TMEM135: variants seen among roughly 807,000 people sequenced by gnomAD.
TMEM135 encodes transmembrane protein 135, also known as peroxisomal membrane protein 52.
TMEM135 carries 30 observed loss-of-function variants against 60.3 expected under a neutral mutation model. The ratio of observed to expected loss-of-function variants is 0.50; its 90% CI spans 0.37 to 0.68. The LOEUF is 0.68. TMEM135 is among the 30% of genes least tolerant of loss of function. The probability of loss-of-function intolerance (pLI) is 0.00; values close to 1 mark genes in which losing one functional copy is unlikely to be tolerated. For missense variants in TMEM135, 468 were observed against 548.8 expected (o/e 0.85, Z 1.47); for synonymous variants, 190 against 186.7 (o/e 1.02, Z -0.14).
At chr11:87,251,141 G>A (rs531289194) in intron 6 of TMEM135, among the ~76,000 whole-genome samples, 2 of 152,264 alleles carry the variant, frequency 1.3e-5, no homozygotes, top group South Asian at 4.1e-4. Context: ...GAAATAATGG[G>A]TAACAGTTGG....
intron 5 of TMEM135, among the ~76,000 whole-genome samples, chr11:87,203,722 C>T (rs1022714047): frequency 7.2e-5 from 11 of 152,198 alleles, no homozygotes; most frequent in African/African-American, 1.9e-4. Flanking sequence ...GTATAAGTAC[C>T]GAGGAGCACA....
chr11:87,093,843 T>C (rs1857263995), intron 4 of TMEM135, among the ~76,000 whole-genome samples: 1 of 152,152 alleles, frequency 6.6e-6, no homozygotes, highest in African/African-American at 2.4e-5. Flanking sequence ...ATTTACTTGT[T>C]TTTAATGCTG....
intron 4 of TMEM135, among the ~76,000 whole-genome samples, chr11:87,102,204 G>T (rs1857473372): frequency 6.6e-6 from 1 of 152,178 alleles, no homozygotes; most frequent in Admixed American, 6.5e-5. Flanking sequence ...GATGCCAATA[G>T]AAAGTAATAG....
chr11:87,057,083 T>G (rs1949900984), intron 1 of TMEM135, among the ~76,000 whole-genome samples: 1 of 152,144 alleles, frequency 6.6e-6, no homozygotes, highest in South Asian at 2.1e-4. Context: ...ATTACAAAAA[T>G]ATTGGTATTA....
intron 6 of TMEM135, among the ~76,000 whole-genome samples, chr11:87,265,129 T>C (rs376162629): frequency 6.6e-6 from 1 of 152,074 alleles, no homozygotes; most frequent in Admixed American, 6.5e-5. Flanking sequence ...ATCAGCTCTT[T>C]TGGAAGGAAG....
At chr11:87,172,529 A>C (rs936036324) in intron 5 of TMEM135, among the ~76,000 whole-genome samples, 1 of 151,980 alleles carries the variant, frequency 6.6e-6, no homozygotes, top group Non-Finnish European at 1.5e-5. Flanking sequence ...CATGGTGTAC[A>C]TAAGTAATAT....
chr11:87,225,269 T>C (rs1248446716), intron 5 of TMEM135, among the ~76,000 whole-genome samples: 3 of 152,162 alleles, frequency 2.0e-5, no homozygotes, highest in Non-Finnish European at 4.4e-5. Flanking sequence ...TAACTATCTA[T>C]GTCTCTCTAA....
intron 5 of TMEM135, among the ~76,000 whole-genome samples, chr11:87,179,691 G>A (rs1278677376): frequency 1.3e-5 from 2 of 152,030 alleles, no homozygotes. Flanking sequence ...TTTGCCCATT[G>A]AATTGCTTTG....
At chr11:87,310,405 TAA>T (rs1208782177) in intron 10 of TMEM135, among the ~76,000 whole-genome samples, 1 of 151,916 alleles carries the variant, frequency 6.6e-6, no homozygotes, top group Non-Finnish European at 1.5e-5. Flanking sequence ...CTCTAAATGG[TAA>T]AGTGTGTTAA....
At chr11:87,161,939 G>C (rs545463218) in intron 5 of TMEM135, among the ~76,000 whole-genome samples, 24 of 152,266 alleles carry the variant, frequency 1.6e-4, no homozygotes, top group African/African-American at 4.8e-4. Context: ...TGCCTGTGAT[G>C]CATCAATGAA....
rs1249796103 is a variant in TMEM135, at chr11:87,324,925, C to T, written c.*3592C>T. The stretch of plus-strand genomic sequence containing the variant: ...AAAATGAGTGGCCAAGAAAAAAATA[C>T]AAGAAAAGGAATAAGAAGTGATTAT... On this transcript the variant is annotated 3_prime_UTR_variant, in exon 15 of 15. Transcript: ENST00000305494. The T allele has an allele frequency of 2.2e-6, 1 of 453,910 alleles. No individual in the cohort carries two copies. The highest frequency in any genetic ancestry group is 2.0e-5 in the African/African-American group (1 of 50,076). 28.1% of individuals were successfully genotyped at this position (453,910 alleles called of 1,614,324 possible).
chr11:87,178,947 T>TA (rs1939448962), intron 5 of TMEM135, among the ~76,000 whole-genome samples: 1 of 150,172 alleles, frequency 6.7e-6, no homozygotes, highest in African/African-American at 2.5e-5. Flanking sequence ...TGTTAGGTCA[T>TA]AAGAATAATG....
intron 6 of TMEM135, among the ~76,000 whole-genome samples, chr11:87,283,676 G>T (rs1461820341): frequency 6.6e-6 from 1 of 152,094 alleles, no homozygotes; most frequent in Non-Finnish European, 1.5e-5. Context: ...AGGCCAAGAT[G>T]GTGAAACCCT....
At chr11:87,084,265 C>T (rs1161308928) in intron 3 of TMEM135, among the ~76,000 whole-genome samples, 1 of 151,570 alleles carries the variant, frequency 6.6e-6, no homozygotes, top group Non-Finnish European at 1.5e-5. Flanking sequence ...TAATGTTTTC[C>T]TATAAGAATG....
chr11:87,121,459 T>G (rs1036642463), intron 4 of TMEM135: 4 of 151,932 alleles, frequency 2.6e-5, no homozygotes, highest in Non-Finnish European at 5.9e-5. Context: ...AGGAGAAGCT[T>G]CTGGAATATT....
At chr11:87,161,157 CA>C (rs894908743) in intron 5 of TMEM135, among the ~76,000 whole-genome samples, 1 of 152,142 alleles carries the variant, frequency 6.6e-6, no homozygotes, top group Non-Finnish European at 1.5e-5. Flanking sequence ...TTCCGCCTCC[CA>C]AAGTGTTGGA....
chr11:87,156,786 A>G (rs996084157), intron 4 of TMEM135, among the ~76,000 whole-genome samples: 6 of 152,212 alleles, frequency 3.9e-5, no homozygotes, highest in Admixed American at 2.0e-4. Flanking sequence ...AATGGAAACT[A>G]AATTCAGAAT....
intron 6 of TMEM135, among the ~76,000 whole-genome samples, chr11:87,286,845 C>T (rs1942175527): frequency 6.6e-6 from 1 of 152,190 alleles, no homozygotes. Flanking sequence ...TTGTCTGTAA[C>T]TGTTATATGT....
chr11:87,249,184 G>A (rs181849828), intron 6 of TMEM135, among the ~76,000 whole-genome samples: 1 of 152,210 alleles, frequency 6.6e-6, no homozygotes, highest in Non-Finnish European at 1.5e-5. Flanking sequence ...TTAGAAGAAA[G>A]GCTTTCAGTT....
Sources: allele counts gnomAD v4.1 joint callset (sites outside exome capture counted in the v4.1 genomes callset), GRCh38; gene constraint gnomAD v4.1.1; transcripts MANE v1.5; gene names NCBI Gene and HGNC (gene_info 2026-07-23, HGNC 2026-07-21).